The following ACAD11 variants were observed in gnomAD, a reference collection of about 807,000 sequenced individuals.
The protein encoded by ACAD11 is acyl-CoA dehydrogenase family member 11.
In ACAD11, 83 loss-of-function variants were observed where a neutral mutation model predicts 102.2. The ratio of observed to expected loss-of-function variants is 0.81; its 90% CI spans 0.68 to 0.97. ACAD11 has a LOEUF of 0.97. Ranked by LOEUF, ACAD11 falls within the 50% of genes least tolerant of loss-of-function variation. The probability of loss-of-function intolerance (pLI) is 0.00; values close to 1 mark genes in which losing one functional copy is unlikely to be tolerated. For missense variants in ACAD11, 901 were observed against 951.7 expected, an observed-to-expected ratio of 0.95 and a Z score of 0.70; for synonymous variants, 324 against 319.8, an observed-to-expected ratio of 1.01 and a Z score of -0.14.
At chr3:132,618,092 C>T (rs12108108) in intron 11 of ACAD11, among the ~76,000 whole-genome samples, 2,143 of 152,128 alleles carry the variant, frequency 0.014, 49 homozygotes, top group African/African-American at 0.049. Context: ...AAACTTATTA[C>T]GTAAGTTTGA....
In ACAD11 at chr3:132,642,770, C is replaced by T. The variant is rs144139484; in HGVS notation, c.282G>A (p.Leu94=). ...TGGGAACGGGGAATCCAATTGAAAA[C>T]AAGGCTTTCTGGACTTTAAATTCTC... ...IDREFKVQKA[L]FSIGFPVPKP... is the part of the protein sequence containing the mutation. Residue 94 remains leucine (L), a synonymous_variant, in exon 3 of 20, where the codon TTG becomes TTA. Coordinates refer to ENST00000264990, the MANE Select transcript of ACAD11 (RefSeq NM_032169.5). The T allele has an allele frequency of 1.7e-5, 27 of 1,612,922 alleles. No homozygotes were observed. Among genetic ancestry groups the T allele is most frequent in the Non-Finnish European group, 2.0e-5 (24 of 1,179,632 alleles).
rs755568917 is a variant in ACAD11, at chr3:132,568,801, CAA to C, written c.2001+6969_2001+6970del. ...GCTGAAGCAATTGGACATCCACAGG[CAA>C]AAAAAAAAAAAAAAAAAAAAAAAAG... is the stretch of plus-strand genomic sequence containing the variant. On this transcript the variant is annotated intron_variant, in intron 17 of 19. Coordinates refer to ENST00000264990, the MANE Select transcript of ACAD11 (RefSeq NM_032169.5). Among the ~76,000 whole-genome samples the C allele has an allele frequency of 2.5e-4, 17 of 68,672 alleles. No homozygotes were observed. The South Asian group carries it at 6.2e-3, about 25-fold the overall frequency. The allele number at this position is 68,672 out of a possible 152,430, so 45.1% of individuals were successfully genotyped here.
intron 17 of ACAD11, among the ~76,000 whole-genome samples, chr3:132,575,313 A>C (rs1937507081): frequency 6.6e-6 from 1 of 152,222 alleles, no homozygotes; most frequent in South Asian, 2.1e-4. Flanking sequence ...ACAGAATTCA[A>C]GTCCTCCTGA....
rs1940403166 is a variant in ACAD11 at position 132,639,520 on chromosome 3, A to C, written c.674T>G (p.Leu225Arg). ...TTTAGGGTGGAAAACTATGTTATCT[A>C]GTCTGAAATCTCCATGAATCAAATT... Reference protein sequence around the residue: ...EENLIHGDFRLDNIVFHPKEC... With the variant: ...EENLIHGDFRRDNIVFHPKEC... The change falls in exon 5 of 20, where the codon CTA (leucine) becomes CGA (arginine). Residue 225 changes from leucine (L) to arginine (R), a missense_variant. Coordinates refer to ENST00000264990, the MANE Select transcript of ACAD11 (RefSeq NM_032169.5). 6.2e-7 allele frequency: 1 copy of C among 1,613,924 alleles called. No individual in the cohort carries two copies. The highest frequency in any genetic ancestry group is 8.5e-7 in the Non-Finnish European group (1 of 1,179,940).
In ACAD11 at chr3:132,582,174, A is replaced by G. The variant is rs1380938760; in HGVS notation, c.1622-2616T>C. On this transcript the variant is annotated intron_variant, in intron 13 of 19. Transcript: ENST00000264990. ...AACAAAAAACAATGTAATAAGATAA[A>G]TACGTTAAGAAAGAGCAGAGAGAGT... is the stretch of plus-strand genomic sequence containing the variant. 2.6e-5 allele frequency among the ~76,000 whole-genome samples: 4 copies of G among 152,110 alleles called. No individual in the cohort carries two copies. The South Asian group carries it at 6.2e-4, about 24-fold the overall frequency.
At chr3:132,592,477 C>G (rs188754233) in intron 13 of ACAD11, among the ~76,000 whole-genome samples, 8 of 152,204 alleles carry the variant, frequency 5.3e-5, no homozygotes, top group Admixed American at 2.6e-4. Context: ...TTAAGTCAGG[C>G]TAAAAATTAC....
At chr3:132,615,387 G>T (rs2107842738) in intron 11 of ACAD11, among the ~76,000 whole-genome samples, 1 of 152,272 alleles carries the variant, frequency 6.6e-6, no homozygotes, top group South Asian at 2.1e-4. Flanking sequence ...TATGTTTATT[G>T]CAGCACTATT....
At chr3:132,603,361 G>A (rs1313778114) in intron 12 of ACAD11, 34 bp from the exon 13 acceptor site, 1 of 1,567,060 alleles carries the variant, frequency 6.4e-7, no homozygotes, top group East Asian at 2.2e-5. Flanking sequence ...TTACAGGCAG[G>A]CAGATATCAT....
rs778706506 is a variant in ACAD11 at position 132,559,085 on chromosome 3, C to G, written c.2229G>C (p.Met743Ile). The part of the protein sequence containing the change: ...GVSQDYPLAN[M>I]YAITRVLRLA... ...AACGCAAAACTCGGGTTATAGCATA[C>G]CTGAAAAAGCAAAAGAATCAGGGAA... The change falls in exon 20 of 20, where the codon ATG becomes ATC. Residue 743 changes from methionine to isoleucine, a missense_variant and splice_region_variant. Transcript: ENST00000264990. 6.2e-7 allele frequency: 1 copy of G among 1,607,396 alleles called. No individual in the cohort carries two copies. The highest frequency in any genetic ancestry group is 2.2e-5 in the East Asian group (1 of 44,792).
At chr3:132,605,502 T>A (rs1007355367) in intron 11 of ACAD11, among the ~76,000 whole-genome samples, 1 of 152,104 alleles carries the variant, frequency 6.6e-6, no homozygotes, top group Non-Finnish European at 1.5e-5. Flanking sequence ...AAGGAAAAAA[T>A]TTACTGGCCT....
chr3:132,586,327 A>G (rs1226608085), intron 13 of ACAD11, among the ~76,000 whole-genome samples: 1 of 152,052 alleles, frequency 6.6e-6, no homozygotes, highest in Non-Finnish European at 1.5e-5. Context: ...AACATCACAC[A>G]CCAGAGCCTG....
chr3:132,655,025 G>A (rs1305683901), intron 1 of ACAD11, among the ~76,000 whole-genome samples: 1 of 152,180 alleles, frequency 6.6e-6, no homozygotes, highest in Non-Finnish European at 1.5e-5. Flanking sequence ...ATAAGCATTT[G>A]TGTATCTAAA....
intron 5 of ACAD11, among the ~76,000 whole-genome samples, chr3:132,633,388 G>C (rs569401675): frequency 7.3e-4 from 111 of 152,214 alleles, no homozygotes; most frequent in Admixed American, 1.4e-3. Context: ...ACTGATTTGC[G>C]TATGTTGAAC....
At chr3:132,655,091 C>T (rs1559981590) in intron 1 of ACAD11, among the ~76,000 whole-genome samples, 1 of 152,176 alleles carries the variant, frequency 6.6e-6, no homozygotes, top group African/African-American at 2.4e-5. Flanking sequence ...TCTAATGGGA[C>T]CACTGCCGTA....
At chr3:132,567,128 G>A (rs1322895768) in intron 17 of ACAD11, among the ~76,000 whole-genome samples, 5 of 152,076 alleles carry the variant, frequency 3.3e-5, no homozygotes, top group East Asian at 3.9e-4. Flanking sequence ...ACAGGCACAC[G>A]CCACCATACC....
In ACAD11 at chr3:132,619,086, C is replaced by G. The variant is rs187587501; in HGVS notation, c.1276-314G>C. 4.6e-4 allele frequency: 139 copies of G among 304,426 alleles called. 1 individual carries two copies. The highest frequency in any genetic ancestry group is 2.8e-3 in the African/African-American group (130 of 46,662). 18.9% of individuals were successfully genotyped at this position (304,426 alleles called of 1,614,324 possible). A position where few individuals can be genotyped will look rare whatever the true frequency, so the allele number is the denominator to read the frequency against. ...TCTCCCACATTTGAGTATGATATGC[C>G]AAATATACTACTTTGTGCATTTTAA... On this transcript the variant is annotated intron_variant, in intron 10 of 19. Coordinates refer to ENST00000264990, the MANE Select transcript of ACAD11 (RefSeq NM_032169.5).
intron 13 of ACAD11, among the ~76,000 whole-genome samples, chr3:132,585,004 C>T (rs942586733): frequency 6.6e-6 from 1 of 152,122 alleles, no homozygotes; most frequent in Non-Finnish European, 1.5e-5. Context: ...CTTTAAAGTT[C>T]ATATGGAACC....
chr3:132,585,656 C>A (rs1937781788), intron 13 of ACAD11, among the ~76,000 whole-genome samples: 1 of 152,130 alleles, frequency 6.6e-6, no homozygotes, highest in African/African-American at 2.4e-5. Context: ...AAAAAACAAA[C>A]AACCCCATCA....
At chr3:132,598,648 T>G (rs896163577) in intron 13 of ACAD11, among the ~76,000 whole-genome samples, 1 of 152,148 alleles carries the variant, frequency 6.6e-6, no homozygotes, top group African/African-American at 2.4e-5. Context: ...GAATTGGCCC[T>G]TCCAGGGAAG....
Sources: allele counts gnomAD v4.1 joint callset (sites outside exome capture counted in the v4.1 genomes callset), GRCh38; gene constraint gnomAD v4.1.1; transcripts MANE v1.5; gene names NCBI Gene and HGNC (gene_info 2026-07-23, HGNC 2026-07-21).